The following LRBA variants were observed in gnomAD, a reference collection of about 807,000 sequenced individuals.
LRBA encodes the protein LPS responsive beige-like anchor protein.
LRBA carries 176 observed loss-of-function variants against 330.0 expected under a neutral mutation model. That is an observed-to-expected ratio of 0.53 (90% CI 0.47 to 0.60). LRBA has a LOEUF of 0.60. LRBA is among the 20% of genes least tolerant of loss of function. LRBA has a pLI of 0.00. For synonymous variants in LRBA, 1,230 were observed against 1,193.0 expected, an observed-to-expected ratio of 1.03 and a Z score of -0.64; for missense variants, 3,259 against 3,444.8, an observed-to-expected ratio of 0.95 and a Z score of 1.35.
chr4:150,690,700 T>C (rs1784053730), intron 36 of LRBA, among the ~76,000 whole-genome samples: 1 of 151,894 alleles, frequency 6.6e-6, no homozygotes, highest in Admixed American at 6.6e-5. Context: ...AGACGAATCT[T>C]TTCTTTCACC....
chr4:150,879,091 C>T (rs12501531), intron 17 of LRBA, among the ~76,000 whole-genome samples: 14,409 of 152,116 alleles, frequency 0.095, 898 homozygotes, highest in Non-Finnish European at 0.15. Flanking sequence ...AGGCCAATAT[C>T]CCTGATGAAC....
chr4:150,465,853 C>G (rs1391155689), intron 44 of LRBA, among the ~76,000 whole-genome samples: 1 of 151,952 alleles, frequency 6.6e-6, no homozygotes, highest in Non-Finnish European at 1.5e-5. Flanking sequence ...AGCACTATAT[C>G]AGGCACAAGA....
chr4:150,906,449 T>C, intron 11 of LRBA, 44 bp from the exon 12 acceptor site: 2 of 1,076,906 alleles, frequency 1.9e-6, no homozygotes, highest in Non-Finnish European at 2.8e-6. Context: ...ACATATTCTA[T>C]TTTTTTTAAA....
At chr4:150,954,625 C>T (rs1737316686) in intron 2 of LRBA, among the ~76,000 whole-genome samples, 2 of 150,548 alleles carry the variant, frequency 1.3e-5, no homozygotes, top group Non-Finnish European at 2.9e-5. Context: ...GACACAAACA[C>T]TGCAGAAGGC....
intron 42 of LRBA, among the ~76,000 whole-genome samples, chr4:150,476,101 T>C (rs951717184): frequency 1.1e-4 from 16 of 152,166 alleles, no homozygotes; most frequent in African/African-American, 3.6e-4. Flanking sequence ...TTATGTTTCA[T>C]TGATTTTTGT....
chr4:150,531,489 A>G (rs1764050739), intron 40 of LRBA, among the ~76,000 whole-genome samples: 1 of 152,160 alleles, frequency 6.6e-6, no homozygotes, highest in African/African-American at 2.4e-5. Flanking sequence ...AGTAATTATC[A>G]CCATATGACA....
At chr4:150,603,405 G>A (rs527684741) in intron 37 of LRBA, among the ~76,000 whole-genome samples, 113 of 152,028 alleles carry the variant, frequency 7.4e-4, no homozygotes, top group South Asian at 3.7e-3. Context: ...AAACTTTCAC[G>A]TTATGTGTTT....
At chr4:150,364,299 C>G (rs1025021445) in intron 47 of LRBA, among the ~76,000 whole-genome samples, 3 of 152,206 alleles carry the variant, frequency 2.0e-5, no homozygotes, top group Non-Finnish European at 4.4e-5. Flanking sequence ...CTGTGCCCAG[C>G]TTTATGCTAA....
intron 40 of LRBA, among the ~76,000 whole-genome samples, chr4:150,522,867 G>C (rs1276295007): frequency 2.6e-5 from 4 of 152,220 alleles, no homozygotes; most frequent in Non-Finnish European, 5.9e-5. Flanking sequence ...TGCTACAGAA[G>C]TGGGGCCACT....
chr4:150,756,343 G>C (rs901361496), intron 35 of LRBA, among the ~76,000 whole-genome samples: 35 of 152,120 alleles, frequency 2.3e-4, no homozygotes, highest in African/African-American at 7.7e-4. Context: ...AGGCAACCTA[G>C]CAGCCAGATC....
At chr4:150,880,775 TACTGACAAACTGTGCATTTGAC>T (rs780736288) in intron 17 of LRBA, among the ~76,000 whole-genome samples, 1 of 151,820 alleles carries the variant, frequency 6.6e-6, no homozygotes, top group Non-Finnish European at 1.5e-5. Context: ...AATGGGAAAA[TACTGACAAACTGTGCATTTGAC>T]AAAGGTCTAA....
chr4:150,742,151 T>TATA (rs1270968417), intron 35 of LRBA, among the ~76,000 whole-genome samples: 9 of 144,452 alleles, frequency 6.2e-5, no homozygotes, highest in African/African-American at 2.3e-4. Context: ...ATTATTATTA[T>TATA]TTTTTTTTTT....
At position 150,665,815 on chromosome 4, in the gene LRBA, G is replaced by A. The variant is rs536720357; in HGVS notation, c.5921+17736C>T. Among the ~76,000 whole-genome samples the A allele has an allele frequency of 4.6e-5, 7 of 152,176 alleles. No individual in the cohort carries two copies. The East Asian group carries it at 5.8e-4, about 13-fold the overall frequency. On this transcript the variant is annotated intron_variant, in intron 37 of 56. Coordinates refer to ENST00000651943, the MANE Select transcript of LRBA (RefSeq NM_001364905.1). The stretch of plus-strand genomic sequence containing the variant: ...GCCACAATTCAATATGGTTTTCTCC[G>A]GTAAACTGTATTTCTACTTCACTTG...
chr4:150,596,556 T>C (rs915584318), intron 38 of LRBA, among the ~76,000 whole-genome samples: 1 of 151,938 alleles, frequency 6.6e-6, no homozygotes, highest in Admixed American at 6.6e-5. Flanking sequence ...TTAATATATA[T>C]TTTAAACATT....
At chr4:150,311,042 T>C (rs540741117) in intron 51 of LRBA, 1 of 152,304 alleles carries the variant, frequency 6.6e-6, no homozygotes, top group African/African-American at 2.4e-5. Flanking sequence ...CAAGACAGCC[T>C]TGGCAGTGTG....
chr4:150,907,084 A>C (rs1016667890), intron 11 of LRBA, among the ~76,000 whole-genome samples: 2 of 150,388 alleles, frequency 1.3e-5, no homozygotes, highest in Non-Finnish European at 3.0e-5. Flanking sequence ...CCCGGAAAGG[A>C]AAGGAAAAAG....
intron 53 of LRBA, among the ~76,000 whole-genome samples, chr4:150,296,394 TC>T (rs1214931817): frequency 6.6e-6 from 1 of 152,124 alleles, no homozygotes; most frequent in African/African-American, 2.4e-5. Flanking sequence ...AGAATTTTTT[TC>T]CTATATAAAA....
intron 47 of LRBA, among the ~76,000 whole-genome samples, chr4:150,413,015 T>C (rs914199780): frequency 6.6e-6 from 1 of 151,728 alleles, no homozygotes; most frequent in African/African-American, 2.4e-5. Context: ...AATTCACTAA[T>C]AAAAAGACAA....
At chr4:150,469,820 T>G (rs1755865058) in intron 43 of LRBA, among the ~76,000 whole-genome samples, 1 of 152,174 alleles carries the variant, frequency 6.6e-6, no homozygotes, top group African/African-American at 2.4e-5. Flanking sequence ...GTTACTTTTC[T>G]TCTCTCCTCC....
Sources: gnomAD v4.1 joint callset for allele counts (sites outside exome capture counted in the v4.1 genomes callset) on GRCh38, gnomAD v4.1.1 for gene constraint, MANE v1.5 for transcripts, NCBI Gene and HGNC (gene_info 2026-07-23, HGNC 2026-07-21) for gene names.